Variants in RAVER2 observed in about 807,000 individuals in gnomAD.
RAVER2 encodes the protein ribonucleoprotein PTB-binding 2.
In RAVER2, 46 loss-of-function variants were observed where a neutral mutation model predicts 78.1. That is an observed-to-expected ratio of 0.59 (90% CI 0.46 to 0.75). The LOEUF is 0.75. Ranked by LOEUF, RAVER2 falls within the 30% of genes least tolerant of loss-of-function variation. The pLI, the probability that RAVER2 is intolerant of heterozygous loss-of-function variation, is 0.00. For synonymous variants in RAVER2, 311 were observed against 313.3 expected (o/e 0.99, Z 0.08); for missense variants, 793 against 837.5 (o/e 0.95, Z 0.66).
chr1:64,788,304 C>T (rs1282704719), intron 4 of RAVER2, among the ~76,000 whole-genome samples: 4 of 151,492 alleles, frequency 2.6e-5, no homozygotes. Flanking sequence ...AACCCTGTCT[C>T]TACTAAAAAT....
chr1:64,784,819 A>G (rs555805588), intron 4 of RAVER2, among the ~76,000 whole-genome samples: 18 of 152,360 alleles, frequency 1.2e-4, no homozygotes, highest in African/African-American at 3.8e-4. Flanking sequence ...TGTAAATGTC[A>G]GAAATACTAT....
chr1:64,830,790 T>G (rs772652293), intron 11 of RAVER2, 49 bp from the exon 12 acceptor site: 2 of 1,483,068 alleles, frequency 1.3e-6, no homozygotes, highest in Non-Finnish European at 1.8e-6. Flanking sequence ...CTTTAATGAA[T>G]AAGCCAACTT....
At chr1:64,755,205 A>G (rs1364561638) in intron 1 of RAVER2, among the ~76,000 whole-genome samples, 3 of 152,206 alleles carry the variant, frequency 2.0e-5, no homozygotes, top group South Asian at 2.1e-4. Context: ...TGTCTTCACA[A>G]TAAGTATCCT....
intron 5 of RAVER2, among the ~76,000 whole-genome samples, chr1:64,801,541 A>G (rs1394133347): frequency 6.8e-6 from 1 of 146,180 alleles, no homozygotes; most frequent in East Asian, 2.0e-4. Context: ...TTTTAAAGTC[A>G]GAGCAAGTTT....
intron 6 of RAVER2, 89 bp from the exon 7 acceptor site, chr1:64,804,645 C>A: frequency 3.1e-6 from 2 of 638,314 alleles, no homozygotes; most frequent in Admixed American, 2.9e-5. Flanking sequence ...TTACTCAGAT[C>A]GACTGGAGAA....
intron 5 of RAVER2, among the ~76,000 whole-genome samples, chr1:64,794,609 GCTT>G (rs1653045074): frequency 6.6e-6 from 1 of 151,924 alleles, no homozygotes; most frequent in Non-Finnish European, 1.5e-5. Flanking sequence ...ATGATTTTGA[GCTT>G]CTTTTATTGT....
intron 2 of RAVER2, 45 bp downstream of exon 2, chr1:64,768,767 T>C: frequency 8.2e-7 from 1 of 1,220,686 alleles, no homozygotes; most frequent in Non-Finnish European, 1.2e-6. Flanking sequence ...TGATTCTCCC[T>C]GTACTCGTTA....
intron 2 of RAVER2, among the ~76,000 whole-genome samples, chr1:64,770,322 A>T (rs1471454252): frequency 3.3e-5 from 5 of 152,038 alleles, no homozygotes; most frequent in Non-Finnish European, 7.4e-5. Context: ...CTCATAATTC[A>T]TGGGGCATTA....
At chr1:64,761,837 C>T (rs567717680) in intron 1 of RAVER2, among the ~76,000 whole-genome samples, 4 of 152,126 alleles carry the variant, frequency 2.6e-5, no homozygotes, top group Non-Finnish European at 4.4e-5. Context: ...GGGCCAGGCA[C>T]GGTGGTTTAC....
At chr1:64,758,412 A>G (rs539539568) in intron 1 of RAVER2, among the ~76,000 whole-genome samples, 48 of 152,292 alleles carry the variant, frequency 3.2e-4, no homozygotes, top group Admixed American at 1.0e-3. Context: ...GGTGGGCCCA[A>G]TCTAATCACA....
chr1:64,824,755 C>T (rs959173684), intron 11 of RAVER2, among the ~76,000 whole-genome samples: 1 of 151,660 alleles, frequency 6.6e-6, no homozygotes, highest in South Asian at 2.1e-4. Context: ...CAGGGCGAAA[C>T]CCCGTCTCTA....
intron 1 of RAVER2, among the ~76,000 whole-genome samples, chr1:64,746,948 T>C (rs1018394402): frequency 1.3e-5 from 2 of 152,242 alleles, no homozygotes; most frequent in Admixed American, 6.5e-5. Flanking sequence ...GAGAAGTATC[T>C]CAATGTCTTT....
At chr1:64,777,879 G>A (rs1374134174) in exon 3 of RAVER2, 1 of 1,613,968 alleles carries the variant, frequency 6.2e-7, no homozygotes, top group East Asian at 2.2e-5. Flanking sequence ...TGGAATACAT[G>A]AAAAAGGACT....
chr1:64,774,370 G>A (rs1231672265), intron 2 of RAVER2, among the ~76,000 whole-genome samples: 1 of 152,112 alleles, frequency 6.6e-6, no homozygotes, highest in Non-Finnish European at 1.5e-5. Flanking sequence ...TGTAAGAAAG[G>A]GATCCAGTTT....
At chr1:64,819,361 T>C (rs1202686103) in intron 11 of RAVER2, among the ~76,000 whole-genome samples, 1 of 151,464 alleles carries the variant, frequency 6.6e-6, no homozygotes, top group Non-Finnish European at 1.5e-5. Context: ...ATACACTAGA[T>C]GGGCATAGCA....
exon 4 of RAVER2, chr1:64,781,527 C>G: frequency 6.2e-7 from 1 of 1,614,110 alleles, no homozygotes; most frequent in African/African-American, 1.3e-5. Flanking sequence ...TCCTGGAGCG[C>G]CAGGGCGAAG....
intron 1 of RAVER2, among the ~76,000 whole-genome samples, chr1:64,761,370 A>T (rs1652016069): frequency 6.6e-6 from 1 of 152,230 alleles, no homozygotes; most frequent in African/African-American, 2.4e-5. Flanking sequence ...ATCCAAATGC[A>T]GTTTCAAAAG....
chr1:64,807,366 GT>G lies in RAVER2; in HGVS notation c.1573del (p.Ser525ArgfsTer33). The stretch of plus-strand genomic sequence containing the variant: ...GAATGGCAGAAGGAAATTTCTCAGG[GT>G]CGCAGCCTTATCTTCAGAGCTTTCC... On this transcript the variant is annotated frameshift_variant, in exon 9 of 12. Transcript: ENST00000294428. LOFTEE classifies it high-confidence loss of function. 6.2e-7 allele frequency: 1 copy of G among 1,614,134 alleles called. No individual in the cohort carries two copies. The highest frequency in any genetic ancestry group is 8.5e-7 in the Non-Finnish European group (1 of 1,180,022).
chr1:64,749,659 T>C (rs989788195), intron 1 of RAVER2, among the ~76,000 whole-genome samples: 9 of 152,256 alleles, frequency 5.9e-5, no homozygotes, highest in Non-Finnish European at 1.3e-4. Flanking sequence ...TTTATAATTA[T>C]TTTTAATGAA....
Sources: allele counts gnomAD v4.1 joint callset (sites outside exome capture counted in the v4.1 genomes callset), GRCh38; gene constraint gnomAD v4.1.1; transcripts MANE v1.5; gene names NCBI Gene and HGNC (gene_info 2026-07-23, HGNC 2026-07-21).